The following EPB41L3 variants were observed in gnomAD, a reference collection of about 807,000 sequenced individuals.
EPB41L3 encodes erythrocyte membrane protein band 4.1 like 3.
A neutral mutation model predicts 127.1 loss-of-function variants in EPB41L3; 57 were observed. That is an observed-to-expected ratio of 0.45 (90% confidence interval 0.36 to 0.56). The LOEUF (loss-of-function observed/expected upper bound fraction) is 0.56. Among genes scored for constraint, EPB41L3 ranks in the 20% least tolerant of loss-of-function variants. The pLI is 0.00. For missense variants in EPB41L3, 1,273 were observed against 1,372.2 expected (o/e 0.93, Z 1.14); for synonymous variants, 572 against 549.5 (o/e 1.04, Z -0.57).
intron 2 of EPB41L3, among the ~76,000 whole-genome samples, chr18:5,488,588 A>G (rs551031872): frequency 6.6e-6 from 1 of 151,370 alleles, no homozygotes; most frequent in Non-Finnish European, 1.5e-5. Context: ...TGATGATAAT[A>G]ATAATAATAA....
At chr18:5,540,810 C>A (rs544986500) in intron 1 of EPB41L3, among the ~76,000 whole-genome samples, 1 of 152,060 alleles carries the variant, frequency 6.6e-6, no homozygotes, top group Admixed American at 6.5e-5. Context: ...CTCCGCCGGG[C>A]GCGGTGGCTC....
chr18:5,550,167 C>T (rs532893494), intron 3 of EPB41L3, among the ~76,000 whole-genome samples: 3 of 152,176 alleles, frequency 2.0e-5, no homozygotes, highest in Non-Finnish European at 2.9e-5. Context: ...GACTAATTGC[C>T]GGCAGTTTTA....
rs188567679 is a variant in EPB41L3 at position 5,413,497 on chromosome 18, A to C, written c.2067+2321T>G. Reference sequence around the variant, plus strand: ...ATACAATATTTAAAAAGAATTAATTAGTAGTGACTTGGCAAAACGAAAGTG... The same window carrying C: ...ATACAATATTTAAAAAGAATTAATTCGTAGTGACTTGGCAAAACGAAAGTG... On this transcript the variant is annotated intron_variant, in intron 13 of 22. Transcript: ENST00000341928. 7.2e-5 allele frequency among the ~76,000 whole-genome samples: 11 copies of C among 152,378 alleles called. No individual in the cohort carries two copies. The East Asian group carries it at 1.9e-3, about 27-fold the overall frequency.
At chr18:5,459,801 CT>C (rs529384431) in intron 3 of EPB41L3, among the ~76,000 whole-genome samples, 42 of 152,188 alleles carry the variant, frequency 2.8e-4, no homozygotes, top group Admixed American at 1.0e-3. Flanking sequence ...AAAATGTATC[CT>C]TTTTTTCTAA....
At chr18:5,583,378 T>G (rs1350942795) in intron 3 of EPB41L3, among the ~76,000 whole-genome samples, 1 of 152,216 alleles carries the variant, frequency 6.6e-6, no homozygotes, top group Non-Finnish European at 1.5e-5. Context: ...AGCTCTTCCC[T>G]GTCCAGAAAG....
intron 2 of EPB41L3, among the ~76,000 whole-genome samples, chr18:5,482,896 CA>C (rs2088863058): frequency 1.3e-5 from 2 of 152,032 alleles, no homozygotes; most frequent in Non-Finnish European, 2.9e-5. Context: ...CACTAATGTG[CA>C]AAAAATAAAA....
At chr18:5,401,318 T>G (rs2074458336) in intron 16 of EPB41L3, among the ~76,000 whole-genome samples, 1 of 152,204 alleles carries the variant, frequency 6.6e-6, no homozygotes, top group South Asian at 2.1e-4. Flanking sequence ...TCAAATGTTC[T>G]TCATTTCTAC....
At chr18:5,510,203 C>A (rs2092442524) in intron 1 of EPB41L3, among the ~76,000 whole-genome samples, 1 of 152,216 alleles carries the variant, frequency 6.6e-6, no homozygotes, top group African/African-American at 2.4e-5. Flanking sequence ...AGGCCCATGA[C>A]ATGTAGTCCA....
At chr18:5,419,908 T>C in intron 11 of EPB41L3, 31 bp from the exon 12 acceptor site, 2 of 1,614,050 alleles carry the variant, frequency 1.2e-6, no homozygotes, top group Non-Finnish European at 1.7e-6. Flanking sequence ...TTCATGTATA[T>C]TTCATGGTTT....
At chr18:5,537,369 C>T (rs1028055599) in intron 1 of EPB41L3, among the ~76,000 whole-genome samples, 7 of 151,992 alleles carry the variant, frequency 4.6e-5, no homozygotes, top group South Asian at 4.1e-4. Flanking sequence ...AGTATTTAAT[C>T]CTCAGTTAAA....
At chr18:5,510,046 T>C (rs2092435006) in intron 1 of EPB41L3, among the ~76,000 whole-genome samples, 1 of 152,226 alleles carries the variant, frequency 6.6e-6, no homozygotes, top group African/African-American at 2.4e-5. Flanking sequence ...AGTTTAACAC[T>C]TGAGGGCTCG....
intron 8 of EPB41L3, among the ~76,000 whole-genome samples, chr18:5,432,206 A>G (rs1287439424): frequency 2.0e-5 from 3 of 152,210 alleles, no homozygotes; most frequent in African/African-American, 7.2e-5. Flanking sequence ...TCCAGTATCA[A>G]CAGAACCTAC....
intron 3 of EPB41L3, among the ~76,000 whole-genome samples, chr18:5,472,469 T>C (rs1453557942): frequency 2.0e-5 from 3 of 152,156 alleles, no homozygotes; most frequent in African/African-American, 4.8e-5. Context: ...CAGAGATCCA[T>C]GGAGGAGGGT....
chr18:5,480,901 A>G (rs978588921), intron 2 of EPB41L3: 1 of 152,228 alleles, frequency 6.6e-6, no homozygotes, highest in African/African-American at 2.4e-5. Flanking sequence ...TTCAGAGTAA[A>G]GAGGAAAGAA....
intron 1 of EPB41L3, among the ~76,000 whole-genome samples, chr18:5,524,185 T>C (rs987905863): frequency 6.6e-6 from 1 of 151,750 alleles, no homozygotes; most frequent in African/African-American, 2.4e-5. Context: ...TTTTTTGTTG[T>C]TGTTGTTTTT....
chr18:5,410,530 A>T, intron 14 of EPB41L3, 36 bp downstream of exon 14: 1 of 1,569,374 alleles, frequency 6.4e-7, no homozygotes, highest in Non-Finnish European at 8.8e-7. Context: ...CATTTTCGGT[A>T]TGCCACTACC....
intron 16 of EPB41L3, chr18:5,398,630 C>A: frequency 2.5e-6 from 1 of 401,736 alleles, no homozygotes; most frequent in South Asian, 1.3e-4. Context: ...AACTGTGGCC[C>A]CAATGAGTGA....
intron 3 of EPB41L3, among the ~76,000 whole-genome samples, chr18:5,459,571 T>G (rs1185488963): frequency 6.6e-6 from 1 of 152,194 alleles, no homozygotes; most frequent in African/African-American, 2.4e-5. Flanking sequence ...TTTTAAATCT[T>G]TCATTAATTA....
At chr18:5,585,756 T>C (rs969559299) in intron 3 of EPB41L3, among the ~76,000 whole-genome samples, 3 of 152,216 alleles carry the variant, frequency 2.0e-5, no homozygotes, top group African/African-American at 7.2e-5. Flanking sequence ...TCAGGCTCTC[T>C]GACCCTCTGG....
Sources: gnomAD v4.1 joint callset for allele counts (sites outside exome capture counted in the v4.1 genomes callset) on GRCh38, gnomAD v4.1.1 for gene constraint, MANE v1.5 for transcripts, NCBI Gene and HGNC (gene_info 2026-07-23, HGNC 2026-07-21) for gene names.